The following NKD1 variants were observed in gnomAD, a reference collection of about 807,000 sequenced individuals.
The protein encoded by NKD1 is protein naked cuticle homolog 1.
NKD1 carries 21 observed loss-of-function variants against 56.0 expected under a neutral mutation model. The observed-to-expected ratio is 0.38, with a 90% CI of 0.27 to 0.54. NKD1 has a LOEUF of 0.54. Among genes scored for constraint, NKD1 ranks in the 20% least tolerant of loss-of-function variants. The pLI is 0.82. For missense variants in NKD1, 578 were observed against 642.7 expected, an observed-to-expected ratio of 0.90 and a Z score of 1.09; for synonymous variants, 263 against 265.7, an observed-to-expected ratio of 0.99 and a Z score of 0.10.
chr16:50,625,382 A>AC, intron 5 of NKD1, 103 bp from the exon 6 acceptor site: 1 of 792,164 alleles, frequency 1.3e-6, no homozygotes, highest in Non-Finnish European at 2.2e-6. Flanking sequence ...AGGGCAGAGG[A>AC]CAGGTGGCCG....
Position 50,633,131 on chromosome 16 carries a change from T to G in NKD1, c.824-61T>G, listed in dbSNP as rs1596762161. On this transcript the variant is annotated intron_variant, in intron 9 of 9. Coordinates refer to ENST00000268459, the MANE Select transcript of NKD1 (RefSeq NM_033119.5). The surrounding 1 kb of genome is among the most constrained non-coding windows in gnomAD (Gnocchi z 4.9). Reference sequence around the variant, plus strand: ...CTGGGGGCGGGGGTGATGTCTGGGGTATAGCGCAAGCCCCAGCACACAGTA... The same window carrying G: ...CTGGGGGCGGGGGTGATGTCTGGGGGATAGCGCAAGCCCCAGCACACAGTA... 6.8e-7 allele frequency: 1 copy of G among 1,461,250 alleles called. No individual in the cohort carries two copies. Among genetic ancestry groups the G allele is most frequent in the Non-Finnish European group, 9.2e-7 (1 of 1,081,560 alleles). The allele number at this position is 1,461,250 out of a possible 1,614,324, so 90.5% of individuals were successfully genotyped here.
rs565425960 is a variant in NKD1 at position 50,550,646 on chromosome 16, C to G, written c.192+1091C>G. On this transcript the variant is annotated intron_variant, in intron 3 of 9. Transcript: ENST00000268459. ...CTTCTCTGTCTTCTGTTGGCCGGGT[C>G]GGACTTGGAGCTGCTGTCCCCTAGT... 1.1e-4 allele frequency among the ~76,000 whole-genome samples: 17 copies of G among 152,118 alleles called. No individual in the cohort carries two copies. The East Asian group carries it at 2.9e-3, about 26-fold the overall frequency.
At position 50,633,224 on chromosome 16, in the gene NKD1, C is replaced by T. The variant is rs1040310466; in HGVS notation, c.856C>T (p.Pro286Ser). The change falls in exon 10 of 10, where the codon CCC becomes TCC. Residue 286 changes from proline to serine, a missense_variant. By Grantham distance (74) the Pro-to-Ser change is moderately conservative. Coordinates refer to ENST00000268459, the MANE Select transcript of NKD1 (RefSeq NM_033119.5). This position sits in a 1 kb window ranked among gnomAD's most constrained non-coding sequence, Gnocchi z 4.9. The part of the protein sequence containing the change: ...SPSVAQKSEL[P>S]PRTSNPTRSR... The stretch of plus-strand genomic sequence containing the variant: ...TTCCGTGGCCCAGAAGTCAGAACTG[C>T]CCCCCCGCACCTCCAATCCCACTCG... 4.4e-6 allele frequency: 7 copies of T among 1,608,376 alleles called. No individual in the cohort carries two copies. The highest frequency in any genetic ancestry group is 5.9e-6 in the Non-Finnish European group (7 of 1,176,620).
intron 3 of NKD1, among the ~76,000 whole-genome samples, chr16:50,571,801 C>G (rs772724216): frequency 6.6e-6 from 1 of 152,150 alleles, no homozygotes. Context: ...CTTTGCAGAA[C>G]CCAATGAGAT....
At chr16:50,558,840 T>G (rs1960560881) in intron 3 of NKD1, 1 of 151,476 alleles carries the variant, frequency 6.6e-6, no homozygotes, top group Admixed American at 6.6e-5. Context: ...ACCCGGGAGA[T>G]GGAGGTTGCA....
intron 4 of NKD1, among the ~76,000 whole-genome samples, chr16:50,614,485 AG>A: frequency 6.6e-6 from 1 of 152,150 alleles, no homozygotes; most frequent in Middle Eastern, 3.4e-3. Context: ...TCTCCCCCAC[AG>A]GGGGCAAGGG....
Position 50,648,965 on chromosome 16 carries a change from C to G in NKD1, c.*15184C>G, listed in dbSNP as rs932363879. On this transcript the variant is annotated 3_prime_UTR_variant, in exon 10 of 10. Coordinates refer to ENST00000268459, the MANE Select transcript of NKD1 (RefSeq NM_033119.5). Reference sequence around the variant, plus strand: ...AGAGGACCAGGACCTCTATTCCAGGCTTGGACACCTACATTTAGACTATTA... The same window carrying G: ...AGAGGACCAGGACCTCTATTCCAGGGTTGGACACCTACATTTAGACTATTA... 9 of 152,226 alleles carry G rather than the reference C, an allele frequency of 5.9e-5. No individual in the cohort carries two copies. Among genetic ancestry groups the G allele is most frequent in the African/African-American group, 1.9e-4 (8 of 41,454 alleles). The allele number at this position is 152,226 out of a possible 1,614,324, so 9.4% of individuals were successfully genotyped here.
intron 4 of NKD1, among the ~76,000 whole-genome samples, chr16:50,621,080 C>T (rs764012011): frequency 1.3e-5 from 2 of 152,222 alleles, no homozygotes; most frequent in Non-Finnish European, 2.9e-5. Context: ...TGTATGTGGA[C>T]GGTGCATGTG....
At position 50,645,738 on chromosome 16, in the gene NKD1, C is replaced by CGCTT. The variant is rs2151284302; in HGVS notation, c.*11966_*11969dup. 1 of 152,270 alleles carries CGCTT rather than the reference C, an allele frequency of 6.6e-6. No homozygotes were observed. The highest frequency in any genetic ancestry group is 6.5e-5 in the Admixed American group (1 of 15,292). The allele number at this position is 152,270 out of a possible 1,614,324, so 9.4% of individuals were successfully genotyped here. ...TTACCCATGAAAGCGCTCAAGGATC[C>CGCTT]GCTTGCTTGCTTACATGTGGGATCA... On this transcript the variant is annotated 3_prime_UTR_variant, in exon 10 of 10. Transcript: ENST00000268459.
chr16:50,558,956 G>C (rs1246391855), intron 3 of NKD1, among the ~76,000 whole-genome samples: 2 of 152,106 alleles, frequency 1.3e-5, no homozygotes, highest in Non-Finnish European at 2.9e-5. Context: ...ATGTGGGCTG[G>C]GAGACTTTAT....
At chr16:50,605,142 T>C (rs1460566951) in intron 3 of NKD1, among the ~76,000 whole-genome samples, 3 of 152,168 alleles carry the variant, frequency 2.0e-5, no homozygotes, top group African/African-American at 7.2e-5. Flanking sequence ...AAAGGGGGTC[T>C]CACAGCCTCT....
chr16:50,628,934 A>G (rs1962282126), intron 6 of NKD1, among the ~76,000 whole-genome samples: 1 of 149,808 alleles, frequency 6.7e-6, no homozygotes, highest in African/African-American at 2.5e-5. Context: ...TGTGGTGGAG[A>G]GACCTCTTCT....
chr16:50,596,951 G>A (rs1296043755), intron 3 of NKD1, among the ~76,000 whole-genome samples: 1 of 152,164 alleles, frequency 6.6e-6, no homozygotes, highest in Non-Finnish European at 1.5e-5. Context: ...TGGAGAAACA[G>A]CAAGGACGCC....
At position 50,627,012 on chromosome 16, in the gene NKD1, G is replaced by C. The variant is rs1011157015; in HGVS notation, c.462+1432G>C. Reference sequence around the variant, plus strand: ...CTTTATGCTGCCATATGTGAATTCTGGGTTAACAAGGTCACCTCCTCCTCA... The same window carrying C: ...CTTTATGCTGCCATATGTGAATTCTCGGTTAACAAGGTCACCTCCTCCTCA... On this transcript the variant is annotated intron_variant, in intron 6 of 9. Transcript: ENST00000268459. Among the ~76,000 whole-genome samples, 95 of 152,208 alleles carry C rather than the reference G, an allele frequency of 6.2e-4. 1 individual carries two copies. The highest frequency in any genetic ancestry group is 2.2e-3 in the African/African-American group (92 of 41,526).
rs1244801665 is a variant in NKD1, at chr16:50,623,083, A to AG, written c.366+1377dup. ...GCCTTTGGGGTGAGAAGGGCCTATC[A>AG]GGCAGAGGGAGCTGCAGGAGCAAAG... On this transcript the variant is annotated intron_variant, in intron 5 of 9. Coordinates refer to ENST00000268459, the MANE Select transcript of NKD1 (RefSeq NM_033119.5). The surrounding 1 kb of genome is among the most constrained non-coding windows in gnomAD (Gnocchi z 4.1). Among the ~76,000 whole-genome samples the AG allele has an allele frequency of 6.6e-6, 1 of 152,144 alleles. No individual in the cohort carries two copies. The highest frequency in any genetic ancestry group is 1.5e-5 in the Non-Finnish European group (1 of 67,996).
chr16:50,557,222 A>G (rs760702644), intron 3 of NKD1: 1 of 152,226 alleles, frequency 6.6e-6, no homozygotes, highest in Non-Finnish European at 1.5e-5. Flanking sequence ...TGTGCCTCCA[A>G]AAAGTACTGG....
intron 3 of NKD1, among the ~76,000 whole-genome samples, chr16:50,589,619 G>A (rs1449183137): frequency 1.3e-5 from 2 of 152,190 alleles, no homozygotes; most frequent in Non-Finnish European, 2.9e-5. Context: ...CCAAGTCTGG[G>A]TAGTTCACGC....
chr16:50,601,328 TTGCTGGAAGCAGCAAAGGCCGTTTAG>T (rs899798457), intron 3 of NKD1, among the ~76,000 whole-genome samples: 1 of 152,124 alleles, frequency 6.6e-6, no homozygotes, highest in African/African-American at 2.4e-5. Context: ...CCAACCTGAA[TTGCTGGAAGCAGCAAAGGCCGTTTAG>T]TGGCTTCTGT....
intron 3 of NKD1, among the ~76,000 whole-genome samples, chr16:50,562,044 T>G (rs887664598): frequency 6.6e-6 from 1 of 152,174 alleles, no homozygotes; most frequent in Non-Finnish European, 1.5e-5. Flanking sequence ...AAGCACATAC[T>G]TACAAGAACA....
Sources: allele counts gnomAD v4.1 joint callset (sites outside exome capture counted in the v4.1 genomes callset), GRCh38; gene constraint gnomAD v4.1.1; non-coding constraint Gnocchi (gnomAD v3.1); transcripts MANE v1.5; gene names NCBI Gene and HGNC (gene_info 2026-07-23, HGNC 2026-07-21).